The following PPP5C variants were observed in gnomAD, a reference collection of about 807,000 sequenced individuals.
PPP5C encodes serine/threonine-protein phosphatase 5.
PPP5C carries 21 observed loss-of-function variants against 66.7 expected under a neutral mutation model. The ratio of observed to expected loss-of-function variants is 0.31; its 90% confidence interval spans 0.22 to 0.45. The LOEUF is 0.45. Among genes scored for constraint, PPP5C ranks in the 20% least tolerant of loss-of-function variants. The pLI is 1.00. For synonymous variants in PPP5C, 246 were observed against 257.4 expected (o/e 0.96, Z 0.43); for missense variants, 464 against 675.9 (o/e 0.69, Z 3.48).
At chr19:46,375,133 G>C (rs1972668930) in intron 2 of PPP5C, among the ~76,000 whole-genome samples, 1 of 152,192 alleles carries the variant, frequency 6.6e-6, no homozygotes, top group Admixed American at 6.5e-5. Flanking sequence ...TAGAGATTAG[G>C]TAACCTGGGC....
intron 7 of PPP5C, among the ~76,000 whole-genome samples, chr19:46,385,837 GGGT>G (rs1972874751): frequency 1.3e-5 from 2 of 151,830 alleles, no homozygotes; most frequent in Admixed American, 1.3e-4. Context: ...CCAGCTTCTT[GGGT>G]GGCCAAAGTG....
At chr19:46,356,430 C>T (rs1424308885) in intron 2 of PPP5C, among the ~76,000 whole-genome samples, 1 of 152,234 alleles carries the variant, frequency 6.6e-6, no homozygotes, top group Non-Finnish European at 1.5e-5. Flanking sequence ...CAGAAGCTCG[C>T]CAGGGAAGCA....
chr19:46,375,568 C>T (rs766528010), intron 2 of PPP5C, 36 bp from the exon 3 acceptor site: 2 of 1,610,494 alleles, frequency 1.2e-6, no homozygotes, highest in Non-Finnish European at 1.7e-6. Flanking sequence ...GCCCCCACCT[C>T]AGCCTCAGTG....
chr19:46,377,722 G>A (rs1053926288), intron 4 of PPP5C, among the ~76,000 whole-genome samples: 4 of 152,152 alleles, frequency 2.6e-5, no homozygotes, highest in African/African-American at 9.7e-5. Flanking sequence ...ATTCTGCCTG[G>A]TTTTGAATTT....
rs531911679 is a variant in PPP5C at position 46,348,716 on chromosome 19, G to A, written c.121+1499G>A. Among the ~76,000 whole-genome samples, 5 of 152,256 alleles carry A rather than the reference G, an allele frequency of 3.3e-5. No individual in the cohort carries two copies. The South Asian group carries it at 1.0e-3, about 32-fold the overall frequency. On this transcript the variant is annotated intron_variant, in intron 1 of 12. Transcript: ENST00000012443. ...ATGGATGAGATCATCTAGTAAGAGG[G>A]TCTAGAGGGGGGACTTAGGACAGAA...
chr19:46,390,957 A>C lies in PPP5C; in HGVS notation c.*611A>C. 8.4e-7 allele frequency: 1 copy of C among 1,184,258 alleles called. No homozygotes were observed. The highest frequency in any genetic ancestry group is 1.1e-6 in the Non-Finnish European group (1 of 936,484). 73.4% of individuals were successfully genotyped at this position (1,184,258 alleles called of 1,614,324 possible). On this transcript the variant is annotated 3_prime_UTR_variant, in exon 13 of 13. Coordinates refer to ENST00000012443, the MANE Select transcript of PPP5C (RefSeq NM_006247.4). ...CCGCAAAGTCCCGCTGGCCGGGCCC[A>C]CCCAGCTCTGGGCTGACCGCCCAAG...
Position 46,390,915 on chromosome 19 carries a change from T to TC in PPP5C, c.*571dup. On this transcript the variant is annotated 3_prime_UTR_variant, in exon 13 of 13. Coordinates refer to ENST00000012443, the MANE Select transcript of PPP5C (RefSeq NM_006247.4). ...GGTTGGGTTACGCCTGCTCAGGAGA[T>TC]CCGGAGGGTGGGGAGGCCGCAAAGT... 1 of 1,172,944 alleles carries TC rather than the reference T, an allele frequency of 8.5e-7. No individual in the cohort carries two copies. The highest frequency in any genetic ancestry group is 1.6e-5 in the African/African-American group (1 of 62,386). The allele number at this position is 1,172,944 out of a possible 1,614,324, so 72.7% of individuals were successfully genotyped here.
intron 1 of PPP5C, among the ~76,000 whole-genome samples, 186 bp from the exon 2 acceptor site, chr19:46,353,562 G>A (rs923837334): frequency 2.6e-5 from 4 of 152,126 alleles, no homozygotes; most frequent in South Asian, 2.1e-4. Context: ...GACTGTGGCC[G>A]AGAGGACAAG....
chr19:46,364,888 G>A (rs1332193069), intron 2 of PPP5C, among the ~76,000 whole-genome samples: 1 of 146,220 alleles, frequency 6.8e-6, no homozygotes, highest in Non-Finnish European at 1.5e-5. Flanking sequence ...CGCTCCATAG[G>A]TATTAGACAT....
chr19:46,388,751 G>T lies in PPP5C; in HGVS notation c.1355+20G>T, dbSNP rs78129690. On this transcript the variant is annotated intron_variant, in intron 11 of 12. Transcript: ENST00000012443. The surrounding 1 kb of genome is among the most constrained non-coding windows in gnomAD (Gnocchi z 4.9). ...CTACTGGTATGTCTTTGCCTTTCCAGCCCAGGGCCTCTACCAAGCCACGGG... is the reference window on the plus strand; with the variant it reads ...CTACTGGTATGTCTTTGCCTTTCCATCCCAGGGCCTCTACCAAGCCACGGG... 1.7e-3 allele frequency: 2,688 copies of T among 1,604,932 alleles called. 96 individuals are homozygous for T. The East Asian group carries it at 0.049, about 29-fold the overall frequency.
chr19:46,371,118 C>T (rs559448927), intron 2 of PPP5C, among the ~76,000 whole-genome samples: 3 of 152,074 alleles, frequency 2.0e-5, no homozygotes, highest in African/African-American at 7.2e-5. Context: ...TCACGGGGTC[C>T]TTTTCCGGAA....
At chr19:46,348,965 G>A (rs946786591) in intron 1 of PPP5C, among the ~76,000 whole-genome samples, 14 of 152,168 alleles carry the variant, frequency 9.2e-5, no homozygotes, top group African/African-American at 3.4e-4. Context: ...GGGTGATGCA[G>A]CCAGGAGGTG....
intron 2 of PPP5C, among the ~76,000 whole-genome samples, chr19:46,374,055 T>C (rs1972646632): frequency 6.6e-6 from 1 of 152,098 alleles, no homozygotes; most frequent in Non-Finnish European, 1.5e-5. Flanking sequence ...CCACTCCTCA[T>C]TGGGAAGGAT....
At position 46,376,273 on chromosome 19, in the gene PPP5C, G is replaced by A. The variant is rs1220642866; in HGVS notation, c.512-180G>A. ...AAGGGGGGTGGGTGAAGGAAGACAG[G>A]GAGGTCAGGAAGAGGCCTCTGGGCC... On this transcript the variant is annotated intron_variant, in intron 3 of 12. Coordinates refer to ENST00000012443, the MANE Select transcript of PPP5C (RefSeq NM_006247.4). This position sits in a 1 kb window ranked among gnomAD's most constrained non-coding sequence, Gnocchi z 5.1. 5.3e-5 allele frequency among the ~76,000 whole-genome samples: 8 copies of A among 152,232 alleles called. No homozygotes were observed. In the South Asian group the frequency reaches 1.0e-3, roughly 20 times the overall value.
intron 2 of PPP5C, among the ~76,000 whole-genome samples, chr19:46,367,140 G>A (rs890355646): frequency 3.9e-5 from 6 of 152,204 alleles, no homozygotes; most frequent in African/African-American, 1.4e-4. Flanking sequence ...ACCAGATGGT[G>A]TGAAAGCACA....
In PPP5C at chr19:46,383,387, C is replaced by G. The variant is rs1257462868; in HGVS notation, c.634-24C>G. 6.2e-7 allele frequency: 1 copy of G among 1,606,788 alleles called. No homozygotes were observed. The highest frequency in any genetic ancestry group is 1.7e-5 in the Admixed American group (1 of 59,260). ...GGGCAGCAGCCCCTGCAGCCGGTCC[C>G]ACTGAGTCTGCCCTGCCTTCCAGAT... On this transcript the variant is annotated intron_variant, in intron 4 of 12. Coordinates refer to ENST00000012443, the MANE Select transcript of PPP5C (RefSeq NM_006247.4). This position sits in a 1 kb window ranked among gnomAD's most constrained non-coding sequence, Gnocchi z 5.0.
chr19:46,370,840 A>C (rs1719991985), intron 2 of PPP5C, among the ~76,000 whole-genome samples: 1 of 151,888 alleles, frequency 6.6e-6, no homozygotes, highest in Non-Finnish European at 1.5e-5. Context: ...TCCCGGGTTC[A>C]TACCATTCTC....
chr19:46,382,692 C>G, intron 4 of PPP5C: 1 of 663,908 alleles, frequency 1.5e-6, no homozygotes, highest in Non-Finnish European at 1.9e-6. Context: ...TTGCAGCCAT[C>G]ATAACCTGGA....
At chr19:46,375,169 G>C (rs1407839262) in intron 2 of PPP5C, among the ~76,000 whole-genome samples, 1 of 152,196 alleles carries the variant, frequency 6.6e-6, no homozygotes, top group Non-Finnish European at 1.5e-5. Flanking sequence ...CGTCCAGCAA[G>C]TCATTGGCCC....
Sources: allele counts gnomAD v4.1 joint callset (sites outside exome capture counted in the v4.1 genomes callset), GRCh38; gene constraint gnomAD v4.1.1; non-coding constraint Gnocchi (gnomAD v3.1); transcripts MANE v1.5; gene names NCBI Gene and HGNC (gene_info 2026-07-23, HGNC 2026-07-21).